SPIRE1: variants seen among roughly 807,000 people sequenced by gnomAD.
SPIRE1 encodes protein spire homolog 1.
A neutral mutation model predicts 94.1 loss-of-function variants in SPIRE1; 40 were observed. The observed-to-expected ratio is 0.43, with a 90% confidence interval of 0.33 to 0.55. The LOEUF (loss-of-function observed/expected upper bound fraction) is 0.55. Ranked by LOEUF, SPIRE1 falls within the 20% of genes least tolerant of loss-of-function variation. SPIRE1 has a pLI of 0.06. For missense variants in SPIRE1, 838 were observed against 975.2 expected, an observed-to-expected ratio of 0.86 and a Z score of 1.87; for synonymous variants, 376 against 371.7, an observed-to-expected ratio of 1.01 and a Z score of -0.13.
intron 2 of SPIRE1, among the ~76,000 whole-genome samples, chr18:12,629,035 C>T (rs1164306264): frequency 4.6e-5 from 7 of 152,252 alleles, no homozygotes; most frequent in Non-Finnish European, 1.0e-4. Flanking sequence ...TTTTACAAAC[C>T]AGTTCTATCA....
chr18:12,492,651 AT>A (rs879285848), intron 8 of SPIRE1, among the ~76,000 whole-genome samples: 1 of 152,132 alleles, frequency 6.6e-6, no homozygotes, highest in African/African-American at 2.4e-5. Flanking sequence ...TTTATAAAGT[AT>A]TTTTTTACCA....
At chr18:12,614,906 T>C (rs1003632323) in intron 2 of SPIRE1, among the ~76,000 whole-genome samples, 1 of 150,382 alleles carries the variant, frequency 6.6e-6, no homozygotes, top group African/African-American at 2.4e-5. Context: ...CAAAATTTTA[T>C]GGCCAGGCCC....
At chr18:12,486,187 A>AT (rs1362764016) in intron 8 of SPIRE1, among the ~76,000 whole-genome samples, 187 bp from the exon 9 acceptor site, 1 of 152,242 alleles carries the variant, frequency 6.6e-6, no homozygotes, top group East Asian at 1.9e-4. Flanking sequence ...AGTTTCAGTT[A>AT]TATCACTAAG....
intron 13 of SPIRE1, 82 bp from the exon 14 acceptor site, chr18:12,453,220 C>A: frequency 1.1e-6 from 1 of 899,420 alleles, no homozygotes; most frequent in South Asian, 1.6e-5. Flanking sequence ...TGCTTTACAT[C>A]TATATATAGG....
intron 4 of SPIRE1, among the ~76,000 whole-genome samples, chr18:12,530,698 T>C (rs555638145): frequency 5.8e-4 from 89 of 152,316 alleles, no homozygotes; most frequent in African/African-American, 2.1e-3. Flanking sequence ...TAATGAATGG[T>C]ATGATTCACC....
At chr18:12,603,622 T>C (rs932258777) in intron 2 of SPIRE1, among the ~76,000 whole-genome samples, 11 of 151,006 alleles carry the variant, frequency 7.3e-5, no homozygotes, top group Non-Finnish European at 1.6e-4. Flanking sequence ...TTCCCCAGGC[T>C]GCAGTGCAGT....
intron 12 of SPIRE1, among the ~76,000 whole-genome samples, chr18:12,459,500 T>C (rs879709356): frequency 2.0e-5 from 3 of 152,192 alleles, no homozygotes; most frequent in Admixed American, 6.5e-5. Context: ...TGCTATACAA[T>C]TAGGTCACCC....
intron 8 of SPIRE1, among the ~76,000 whole-genome samples, chr18:12,492,506 C>A (rs536919863): frequency 3.3e-5 from 5 of 152,108 alleles, no homozygotes; most frequent in Admixed American, 6.5e-5. Flanking sequence ...TAAGTAATAT[C>A]CGGTAATAAC....
chr18:12,661,603 C>G (rs1006472607), upstream of SPIRE1, among the ~76,000 whole-genome samples: 2 of 151,824 alleles, frequency 1.3e-5, no homozygotes, highest in Non-Finnish European at 2.9e-5. Flanking sequence ...GAAACCTCGT[C>G]TCTACTAAAA....
At position 12,657,608 on chromosome 18, in the gene SPIRE1, G is replaced by T. The variant is rs2038588330; in HGVS notation, c.259C>A (p.Gln87Lys). ...GCGCCGTCCCTCCAGACGCGGATCT[G>T]CGCGGCCGAGCGCACACGGTGGCGG... ...QPRHRVRSAA[Q>K]IRVWRDGAVT... The change falls in exon 1 of 17, where the codon CAG (glutamine) becomes AAG (lysine). Residue 87 changes from glutamine to lysine, a missense_variant. By Grantham distance (53) the Gln-to-Lys change is moderately conservative. This residue lies in a region of SPIRE1 where 193 missense variants were observed against 170.5 expected (regional missense o/e 1.13). Transcript: ENST00000409402. 2.3e-6 allele frequency: 3 copies of T among 1,281,056 alleles called. No individual in the cohort carries two copies. The highest frequency in any genetic ancestry group is 2.9e-6 in the Non-Finnish European group (3 of 1,017,648). 79.4% of individuals were successfully genotyped at this position (1,281,056 alleles called of 1,614,324 possible). A position where few individuals can be genotyped will look rare whatever the true frequency, so the allele number is the denominator to read the frequency against.
At chr18:12,494,001 C>T (rs2143871645) in intron 7 of SPIRE1, among the ~76,000 whole-genome samples, 1 of 152,170 alleles carries the variant, frequency 6.6e-6, no homozygotes, top group African/African-American at 2.4e-5. Flanking sequence ...ACCTCCTGTG[C>T]TGAAGTGATC....
At chr18:12,458,545 C>T (rs1300279173) in intron 12 of SPIRE1, among the ~76,000 whole-genome samples, 2 of 151,948 alleles carry the variant, frequency 1.3e-5, no homozygotes, top group Admixed American at 6.6e-5. Context: ...ACCCAGGAGG[C>T]GGAGCTTGCA....
intron 2 of SPIRE1, among the ~76,000 whole-genome samples, chr18:12,601,035 T>G (rs2036819707): frequency 6.6e-6 from 1 of 152,146 alleles, no homozygotes; most frequent in Non-Finnish European, 1.5e-5. Context: ...TATCGTTAGT[T>G]ATTCTGATGC....
intron 2 of SPIRE1, among the ~76,000 whole-genome samples, chr18:12,587,016 GTTA>G (rs372319437): frequency 6.6e-6 from 1 of 152,308 alleles, no homozygotes; most frequent in African/African-American, 2.4e-5. Flanking sequence ...TCACTTGTAT[GTTA>G]TTGTATGTTA....
At chr18:12,546,947 G>A in intron 2 of SPIRE1, 43 bp from the exon 3 acceptor site, 1 of 1,398,676 alleles carries the variant, frequency 7.1e-7, no homozygotes, top group Non-Finnish European at 9.9e-7. Context: ...TGAATGAAGA[G>A]CTTTCTAGGA....
intron 16 of SPIRE1, chr18:12,450,497 C>G: frequency 1.8e-6 from 1 of 560,832 alleles, no homozygotes; most frequent in Non-Finnish European, 3.0e-6. Context: ...CTGCTTATGC[C>G]TTTTTGTGCA....
chr18:12,511,283 A>C (rs2034027604), intron 5 of SPIRE1, among the ~76,000 whole-genome samples: 1 of 152,230 alleles, frequency 6.6e-6, no homozygotes, highest in Non-Finnish European at 1.5e-5. Flanking sequence ...ACAGCAAATG[A>C]GTGGTGGATG....
At chr18:12,486,047 A>C (rs778461095) in intron 8 of SPIRE1, 47 bp from the exon 9 acceptor site, 1 of 1,413,166 alleles carries the variant, frequency 7.1e-7, no homozygotes, top group Admixed American at 2.4e-5. Flanking sequence ...TTCAGCTGTT[A>C]GGAATATACA....
rs903832742 is a variant in SPIRE1 at position 12,621,939 on chromosome 18, T to G, written c.372+13123A>C. On this transcript the variant is annotated intron_variant, in intron 2 of 16. Coordinates refer to ENST00000409402, the MANE Select transcript of SPIRE1 (RefSeq NM_001128626.2). ...ATTATCTAATTTTGCTGATAATGGGTTTTTAAAAACCTTATTTTAATATCT... is the reference window on the plus strand; with the variant it reads ...ATTATCTAATTTTGCTGATAATGGGGTTTTAAAAACCTTATTTTAATATCT... Among the ~76,000 whole-genome samples, 4 of 151,798 alleles carry G rather than the reference T, an allele frequency of 2.6e-5. No individual in the cohort carries two copies. The East Asian group carries it at 5.8e-4, about 22-fold the overall frequency.
Sources: allele counts gnomAD v4.1 joint callset (sites outside exome capture counted in the v4.1 genomes callset), GRCh38; gene constraint gnomAD v4.1.1; regional missense constraint gnomAD v4.1.1; transcripts MANE v1.5; gene names NCBI Gene and HGNC (gene_info 2026-07-23, HGNC 2026-07-21).